RBFOX1: variants seen among roughly 807,000 people sequenced by gnomAD.
RBFOX1 encodes RNA binding fox-1 homolog 1.
Under a neutral mutation model 57.7 loss-of-function variants are expected in RBFOX1, and 8 were observed. That is an observed-to-expected ratio of 0.14 (90% CI 0.08 to 0.25). RBFOX1 has a LOEUF of 0.25. Among genes scored for constraint, RBFOX1 ranks in the 10% least tolerant of loss-of-function variants. The pLI is 1.00. For missense variants in RBFOX1, 611 were observed against 548.5 expected (o/e 1.11, Z -1.14); for synonymous variants, 326 against 222.4 (o/e 1.47, Z -4.15).
chr16:6,585,719 A>G (rs573536428), intron 2 of RBFOX1, among the ~76,000 whole-genome samples: 6 of 151,402 alleles, frequency 4.0e-5, no homozygotes, highest in African/African-American at 1.2e-4. Context: ...TGTTCACTGC[A>G]GTTCAAAGGG....
At chr16:7,011,408 T>G (rs1166861750) in intron 3 of RBFOX1, among the ~76,000 whole-genome samples, 1 of 152,204 alleles carries the variant, frequency 6.6e-6, no homozygotes, top group Non-Finnish European at 1.5e-5. Flanking sequence ...GGCGGGCTGT[T>G]TGTTGCTATG....
intron 1 of RBFOX1, among the ~76,000 whole-genome samples, chr16:6,239,612 C>T (rs572340601): frequency 3.3e-5 from 5 of 150,716 alleles, no homozygotes; most frequent in African/African-American, 1.2e-4. Flanking sequence ...GTTCTCCTGC[C>T]TCAGCCTCCT....
chr16:7,353,219 C>A (rs776097625), intron 4 of RBFOX1, among the ~76,000 whole-genome samples: 1 of 152,138 alleles, frequency 6.6e-6, no homozygotes, highest in Non-Finnish European at 1.5e-5. Context: ...TTTAACTGGA[C>A]ATTCACCATC....
At position 6,019,582 on chromosome 16, in the gene RBFOX1, C is replaced by T. The variant is rs1202327683; in HGVS notation, c.-537C>T. 5 of 1,184,864 alleles carry T rather than the reference C, an allele frequency of 4.2e-6. No homozygotes were observed. Among genetic ancestry groups the T allele is most frequent in the African/African-American group, 1.6e-5 (1 of 63,144 alleles). The allele number at this position is 1,184,864 out of a possible 1,614,324, so 73.4% of individuals were successfully genotyped here. A position where few individuals can be genotyped will look rare whatever the true frequency, so the allele number is the denominator to read the frequency against. On this transcript the variant is annotated 5_prime_UTR_variant, in exon 1 of 16. Coordinates refer to ENST00000550418, the MANE Select transcript of RBFOX1 (RefSeq NM_018723.4). The surrounding 1 kb of genome is among the most constrained non-coding windows in gnomAD (Gnocchi z 4.2). ...GCACTGGCTGGACCCACGCGCGCGC[C>T]TCCGGGGCTGAAGAAGGAAGGAGTG...
At chr16:5,520,598 T>C (rs920867440) in intron 2 of RBFOX1, among the ~76,000 whole-genome samples, 1 of 152,208 alleles carries the variant, frequency 6.6e-6, no homozygotes, top group African/African-American at 2.4e-5. Flanking sequence ...AACCATCTTG[T>C]CATGTTGAGG....
intron 4 of RBFOX1, among the ~76,000 whole-genome samples, chr16:7,308,338 A>T (rs190551217): frequency 1.4e-5 from 2 of 147,966 alleles, no homozygotes; most frequent in East Asian, 4.1e-4. Context: ...CTGAAAGAGG[A>T]TCAGTAGCAT....
At chr16:7,214,930 A>G (rs1044007542) in intron 4 of RBFOX1, among the ~76,000 whole-genome samples, 8 of 152,122 alleles carry the variant, frequency 5.3e-5, no homozygotes, top group Non-Finnish European at 4.4e-5. Context: ...GGACACATGT[A>G]CTGAATGTGC....
chr16:6,671,699 G>C (rs1396903385), intron 3 of RBFOX1, among the ~76,000 whole-genome samples: 1 of 152,174 alleles, frequency 6.6e-6, no homozygotes, highest in East Asian at 1.9e-4. Context: ...CCACTTAGGA[G>C]TGAGGACATA....
chr16:7,182,783 C>G lies in RBFOX1; in HGVS notation c.27+130685C>G, dbSNP rs551646061. 8.7e-4 allele frequency among the ~76,000 whole-genome samples: 132 copies of G among 152,284 alleles called. 1 individual carries two copies. Among genetic ancestry groups the G allele is most frequent in the Middle Eastern group, 3.4e-3 (1 of 294 alleles). On this transcript the variant is annotated intron_variant, in intron 4 of 15. Transcript: ENST00000550418. ...GATTTGCCTCACCCCTGACTTAGCA[C>G]TTTGTACTAAATCCCTTAGAAATGC...
intron 2 of RBFOX1, among the ~76,000 whole-genome samples, chr16:6,330,238 A>G (rs1289307339): frequency 6.6e-6 from 1 of 152,216 alleles, no homozygotes; most frequent in African/African-American, 2.4e-5. Flanking sequence ...TATTATTCAA[A>G]GCACATGGTC....
chr16:7,498,578 A>C (rs2069498197), intron 4 of RBFOX1, among the ~76,000 whole-genome samples: 1 of 152,190 alleles, frequency 6.6e-6, no homozygotes, highest in African/African-American at 2.4e-5. Flanking sequence ...AGTATATCCA[A>C]AGTGTTACCA....
intron 4 of RBFOX1, among the ~76,000 whole-genome samples, chr16:5,944,987 A>G (rs148299660): frequency 7.8e-4 from 76 of 97,048 alleles, no homozygotes; most frequent in East Asian, 9.0e-4. Context: ...AAAAAAAAAA[A>G]AGAGAGAGAG....
At position 7,517,138 on chromosome 16, in the gene RBFOX1, C is replaced by CATGTGTGT. The variant is rs1354039473; in HGVS notation, c.28-1009_28-1008insATGTGTGT. On this transcript the variant is annotated intron_variant, in intron 4 of 15. Transcript: ENST00000550418. Reference sequence around the variant, plus strand: ...ACCTTTGGGTTACAATTTCTTATGCCGTGTGTGTGTGTGTGTGTGTGTGTG... The same window carrying CATGTGTGT: ...ACCTTTGGGTTACAATTTCTTATGCCATGTGTGTGTGTGTGTGTGTGTGTGTGTGTGTG... 2.9e-3 allele frequency among the ~76,000 whole-genome samples: 372 copies of CATGTGTGT among 130,222 alleles called. 3 individuals are homozygous for CATGTGTGT. The highest frequency in any genetic ancestry group is 0.013 in the Admixed American group (169 of 12,890). The allele number at this position is 130,222 out of a possible 152,430, so 85.4% of individuals were successfully genotyped here.
At chr16:6,391,974 A>T (rs1374123046) in intron 2 of RBFOX1, among the ~76,000 whole-genome samples, 1 of 152,194 alleles carries the variant, frequency 6.6e-6, no homozygotes, top group Non-Finnish European at 1.5e-5. Context: ...CAGAGGCTGT[A>T]AAAGCTTTTG....
At chr16:7,077,051 G>A (rs1315890933) in intron 4 of RBFOX1, among the ~76,000 whole-genome samples, 2 of 152,188 alleles carry the variant, frequency 1.3e-5, no homozygotes, top group Non-Finnish European at 2.9e-5. Flanking sequence ...TTAGTTAGTG[G>A]ACGAGACCTC....
At chr16:6,995,545 A>G (rs967542690) in intron 3 of RBFOX1, among the ~76,000 whole-genome samples, 1 of 152,018 alleles carries the variant, frequency 6.6e-6, no homozygotes, top group Non-Finnish European at 1.5e-5. Context: ...AGGGTGGATC[A>G]CCTTAGGTCA....
chr16:6,872,852 A>G (rs1011027049), intron 3 of RBFOX1, among the ~76,000 whole-genome samples: 4 of 152,344 alleles, frequency 2.6e-5, no homozygotes, highest in African/African-American at 9.6e-5. Context: ...TTAACAGAAT[A>G]TAACAATTCA....
intron 3 of RBFOX1, among the ~76,000 whole-genome samples, chr16:6,745,762 C>G (rs555932256): frequency 6.6e-6 from 1 of 152,252 alleles, no homozygotes; most frequent in South Asian, 2.1e-4. Flanking sequence ...TCACCACTTC[C>G]CTTTCGCAGT....
chr16:5,670,305 A>G (rs2049979420), intron 3 of RBFOX1, among the ~76,000 whole-genome samples: 1 of 152,204 alleles, frequency 6.6e-6, no homozygotes, highest in Non-Finnish European at 1.5e-5. Context: ...CTCATAATAC[A>G]TTTAATCTTA....
Sources: allele counts gnomAD v4.1 joint callset (sites outside exome capture counted in the v4.1 genomes callset), GRCh38; gene constraint gnomAD v4.1.1; non-coding constraint Gnocchi (gnomAD v3.1); transcripts MANE v1.5; gene names NCBI Gene and HGNC (gene_info 2026-07-23, HGNC 2026-07-21).